HOOK3: variants seen among roughly 807,000 people sequenced by gnomAD.
HOOK3 encodes protein Hook homolog 3.
Under a neutral mutation model 116.3 loss-of-function variants are expected in HOOK3, and 24 were observed. That is an observed-to-expected ratio of 0.21 (90% CI 0.15 to 0.29). The LOEUF is 0.29. HOOK3 is among the 10% of genes least tolerant of loss of function. The pLI is 1.00. For missense variants in HOOK3, 632 were observed against 830.2 expected (o/e 0.76, Z 2.93); for synonymous variants, 275 against 283.0 (o/e 0.97, Z 0.28).
intron 2 of HOOK3, among the ~76,000 whole-genome samples, chr8:42,916,909 TC>T (rs1299770466): frequency 1.3e-5 from 2 of 152,032 alleles, no homozygotes; most frequent in African/African-American, 4.8e-5. Flanking sequence ...ACTCTTTAAA[TC>T]GTATTTTGTG....
intron 2 of HOOK3, among the ~76,000 whole-genome samples, chr8:42,913,020 T>C (rs940313465): frequency 3.3e-5 from 5 of 152,236 alleles, no homozygotes; most frequent in African/African-American, 1.2e-4. Context: ...CTTTTCAGAT[T>C]GACTTCTTTA....
intron 15 of HOOK3, among the ~76,000 whole-genome samples, chr8:42,991,945 T>G (rs6981806): frequency 1.0e-3 from 157 of 152,308 alleles, no homozygotes; most frequent in African/African-American, 3.6e-3. Flanking sequence ...ATCTTTCCAT[T>G]TTTTTGTGTC....
chr8:43,007,619 A>AG lies in HOOK3; in HGVS notation c.1656-226dup, dbSNP rs1439554103. Among the ~76,000 whole-genome samples, 195 of 152,330 alleles carry AG rather than the reference A, an allele frequency of 1.3e-3. 7 individuals are homozygous for AG. Among genetic ancestry groups the AG allele is most frequent in the Admixed American group, 0.013 (194 of 15,302 alleles). The stretch of plus-strand genomic sequence containing the variant: ...AAAAATGTATACCCTCTCTTTATGC[A>AG]GGTCTATCTAAACTAAATGACTACT... On this transcript the variant is annotated intron_variant, in intron 17 of 21. Coordinates refer to ENST00000307602, the MANE Select transcript of HOOK3 (RefSeq NM_032410.4).
chr8:43,014,408 G>A (rs1347458939), intron 21 of HOOK3, among the ~76,000 whole-genome samples: 1 of 151,538 alleles, frequency 6.6e-6, no homozygotes, highest in Non-Finnish European at 1.5e-5. Context: ...CTGGAGTGCA[G>A]TGGTGTGATC....
intron 4 of HOOK3, among the ~76,000 whole-genome samples, chr8:42,935,365 C>G (rs1002905462): frequency 6.6e-6 from 1 of 152,010 alleles, no homozygotes; most frequent in Non-Finnish European, 1.5e-5. Context: ...AGGATAGTTT[C>G]TTTTGCTGTG....
chr8:43,012,948 A>T, intron 19 of HOOK3, 103 bp from the exon 20 acceptor site: 2 of 753,002 alleles, frequency 2.7e-6, no homozygotes, highest in Non-Finnish European at 4.2e-6. Flanking sequence ...TTGATTTTTC[A>T]TAAGTTTATC....
Position 43,006,722 on chromosome 8 carries a change from A to C in HOOK3, c.1656-1125A>C, listed in dbSNP as rs181290872. 5.9e-5 allele frequency among the ~76,000 whole-genome samples: 9 copies of C among 152,318 alleles called. No individual in the cohort carries two copies. In the East Asian group the frequency reaches 1.2e-3, roughly 20 times the overall value. On this transcript the variant is annotated intron_variant, in intron 17 of 21. Transcript: ENST00000307602. ...GTTCTTTGTCATAGGTCATAAATGC[A>C]TACAAGTCTCATCTTCAAAAAATTT...
At chr8:42,897,696 C>G (rs997520134) in intron 1 of HOOK3, among the ~76,000 whole-genome samples, 1 of 152,246 alleles carries the variant, frequency 6.6e-6, no homozygotes, top group Non-Finnish European at 1.5e-5. Context: ...GTCGGGCAGA[C>G]GTTTAAAGGA....
chr8:42,938,710 ATTTAT>A (rs1808027154), intron 4 of HOOK3, among the ~76,000 whole-genome samples: 1 of 150,994 alleles, frequency 6.6e-6, no homozygotes, highest in Admixed American at 6.6e-5. Context: ...TTATTTATTT[ATTTAT>A]TTATTTATTT....
chr8:42,908,641 G>A (rs887729910), intron 2 of HOOK3, among the ~76,000 whole-genome samples: 4 of 152,150 alleles, frequency 2.6e-5, no homozygotes, highest in South Asian at 2.1e-4. Context: ...CTTATCTCAC[G>A]CCACATGCAA....
At chr8:42,984,121 A>G (rs920494174) in intron 14 of HOOK3, among the ~76,000 whole-genome samples, 6 of 152,168 alleles carry the variant, frequency 3.9e-5, no homozygotes, top group Non-Finnish European at 5.9e-5. Context: ...TAATCCTAGC[A>G]CTTTGGGAGG....
At chr8:42,916,641 A>C (rs1223028958) in intron 2 of HOOK3, among the ~76,000 whole-genome samples, 2 of 152,140 alleles carry the variant, frequency 1.3e-5, no homozygotes, top group African/African-American at 2.4e-5. Flanking sequence ...CTGTACATTA[A>C]CCTAATAAAG....
chr8:42,941,695 T>C (rs1380648873), intron 4 of HOOK3, among the ~76,000 whole-genome samples: 1 of 152,102 alleles, frequency 6.6e-6, no homozygotes, highest in Non-Finnish European at 1.5e-5. Flanking sequence ...AGAATAAAAC[T>C]CACATCCTTG....
chr8:42,919,694 ACCTCG>A (rs1807615531), intron 2 of HOOK3, among the ~76,000 whole-genome samples: 1 of 152,190 alleles, frequency 6.6e-6, no homozygotes, highest in African/African-American at 2.4e-5. Flanking sequence ...CAATCCCGGC[ACCTCG>A]GGAGGCTGAG....
Position 43,013,095 on chromosome 8 carries a change from A to G in HOOK3, c.1884A>G (p.Pro628=), listed in dbSNP as rs974773998. ...LDPKQNQGAA[P]EIQALKNQLQ... ...CTAAACAGAATCAAGGAGCAGCACC[A>G]GAAATACAAGCTCTTAAAAATCAGC... Residue 628 remains proline (P), a synonymous_variant, in exon 20 of 22, where the codon CCA becomes CCG. Coordinates refer to ENST00000307602, the MANE Select transcript of HOOK3 (RefSeq NM_032410.4). 1.9e-6 allele frequency: 3 copies of G among 1,613,540 alleles called. No homozygotes were observed. The highest frequency in any genetic ancestry group is 2.5e-6 in the Non-Finnish European group (3 of 1,179,732).
At chr8:42,909,519 A>C (rs920319952) in intron 2 of HOOK3, among the ~76,000 whole-genome samples, 1 of 152,254 alleles carries the variant, frequency 6.6e-6, no homozygotes, top group African/African-American at 2.4e-5. Context: ...GCTGGAGTGC[A>C]GTGGATTGAC....
At position 43,019,969 on chromosome 8, in the gene HOOK3, C is replaced by G. The variant is rs539318409; in HGVS notation, c.*1471C>G. On this transcript the variant is annotated 3_prime_UTR_variant, in exon 22 of 22. Coordinates refer to ENST00000307602, the MANE Select transcript of HOOK3 (RefSeq NM_032410.4). ...TTGCAAGTTCAGGTTTCATTTGGTTCTTTATGTTAAATACGAATAAGTAAC... is the reference window on the plus strand; with the variant it reads ...TTGCAAGTTCAGGTTTCATTTGGTTGTTTATGTTAAATACGAATAAGTAAC... 244 of 198,350 alleles carry G rather than the reference C, an allele frequency of 1.2e-3. 1 individual carries two copies. Among genetic ancestry groups the G allele is most frequent in the Admixed American group, 2.5e-3 (42 of 16,578 alleles). 12.3% of individuals were successfully genotyped at this position (198,350 alleles called of 1,614,324 possible).
chr8:43,024,566 CTA>C lies in HOOK3; in HGVS notation c.*6071_*6072del, dbSNP rs1809898194. On this transcript the variant is annotated 3_prime_UTR_variant, in exon 22 of 22. Transcript: ENST00000307602. ...AGGTTTCAGAGCTTATTCTTGATAACTATAATAATGATTTGAATGTTTTATAT... is the reference window on the plus strand; with the variant it reads ...AGGTTTCAGAGCTTATTCTTGATAACTAATAATGATTTGAATGTTTTATAT... 5.4e-6 allele frequency: 1 copy of C among 186,434 alleles called. No individual in the cohort carries two copies. Among genetic ancestry groups the C allele is most frequent in the Non-Finnish European group, 1.1e-5 (1 of 88,292 alleles). The allele number at this position is 186,434 out of a possible 1,614,324, so 11.5% of individuals were successfully genotyped here.
intron 2 of HOOK3, among the ~76,000 whole-genome samples, chr8:42,915,373 A>G (rs1807510545): frequency 6.6e-6 from 1 of 152,066 alleles, no homozygotes; most frequent in Non-Finnish European, 1.5e-5. Context: ...TCAAAACAAA[A>G]CAAGACCCAA....
Sources: allele counts gnomAD v4.1 joint callset (sites outside exome capture counted in the v4.1 genomes callset), GRCh38; gene constraint gnomAD v4.1.1; transcripts MANE v1.5; gene names NCBI Gene and HGNC (gene_info 2026-07-23, HGNC 2026-07-21).